The following GPR141 variants were observed in gnomAD, a reference collection of about 807,000 sequenced individuals.
The protein encoded by GPR141 is probable G protein-coupled receptor 141.
In GPR141, 6 loss-of-function variants were observed where a neutral mutation model predicts 6.8. The ratio of observed to expected loss-of-function variants is 0.88; its 90% CI spans 0.48 to 1.74. The LOEUF (loss-of-function observed/expected upper bound fraction) is 1.74, where lower values mean the gene tolerates loss of function less well. Ranked by LOEUF, GPR141 falls within the 40% of genes most tolerant of loss-of-function variation. GPR141 has a pLI of 0.01. For synonymous variants in GPR141, 140 were observed against 142.3 expected, an observed-to-expected ratio of 0.98 and a Z score of 0.11; for missense variants, 372 against 372.9, an observed-to-expected ratio of 1.00 and a Z score of 0.02.
intron 2 of GPR141, among the ~76,000 whole-genome samples, chr7:37,712,268 A>T (rs1271385309): frequency 6.6e-6 from 1 of 152,166 alleles, no homozygotes; most frequent in Non-Finnish European, 1.5e-5. Flanking sequence ...CCCACCTGTG[A>T]TCCCCTTGAT....
intron 2 of GPR141, among the ~76,000 whole-genome samples, chr7:37,720,823 G>C (rs1447056691): frequency 1.3e-5 from 2 of 151,194 alleles, no homozygotes; most frequent in East Asian, 1.9e-4. Context: ...TAAATTTTTA[G>C]TGCAGTTTTA....
chr7:37,693,928 G>A (rs1185940283), intron 2 of GPR141, among the ~76,000 whole-genome samples: 3 of 152,156 alleles, frequency 2.0e-5, no homozygotes, highest in Non-Finnish European at 2.9e-5. Context: ...AAGTTCCCAA[G>A]GGGCAATGAG....
chr7:37,701,376 A>G (rs181838810), intron 2 of GPR141, among the ~76,000 whole-genome samples: 58 of 152,188 alleles, frequency 3.8e-4, no homozygotes, highest in Admixed American at 1.4e-3. Context: ...ATGGAGGGAG[A>G]CTTGCTTCAT....
chr7:37,730,419 C>G (rs1811867700), intron 2 of GPR141, among the ~76,000 whole-genome samples: 1 of 152,188 alleles, frequency 6.6e-6, no homozygotes, highest in Non-Finnish European at 1.5e-5. Flanking sequence ...TCCCAAAGCT[C>G]AGGACAAATT....
At chr7:37,710,502 C>A (rs1225197736) in intron 2 of GPR141, among the ~76,000 whole-genome samples, 1 of 152,154 alleles carries the variant, frequency 6.6e-6, no homozygotes, top group African/African-American at 2.4e-5. Flanking sequence ...TATCATCTTG[C>A]CCAAAAATTC....
Position 37,740,894 on chromosome 7 carries a change from TA to T in GPR141, c.504del (p.Lys168AsnfsTer11). ...AGGAATACAATGAGGAGCACTGTTT[TA>T]AATTTCACAAAGAGCTTGCTTACAC... ...HEEYNEEHCF[K>X]FHKELAYTYV... On this transcript the variant is annotated frameshift_variant, in exon 3 of 3. Coordinates refer to ENST00000334425, the MANE Select transcript of GPR141 (RefSeq NM_001381946.1). LOFTEE classifies it low-confidence loss of function (END_TRUNC). 2 of 1,614,168 alleles carry T rather than the reference TA, an allele frequency of 1.2e-6. No individual in the cohort carries two copies. Among genetic ancestry groups the T allele is most frequent in the South Asian group, 1.1e-5 (1 of 91,080 alleles).
chr7:37,733,988 A>G (rs1812114037), intron 2 of GPR141, among the ~76,000 whole-genome samples: 1 of 152,128 alleles, frequency 6.6e-6, no homozygotes, highest in Admixed American at 6.5e-5. Context: ...CCTGGGCAAC[A>G]TGGTGAAACC....
intron 2 of GPR141, among the ~76,000 whole-genome samples, chr7:37,738,703 C>G (rs924156875): frequency 6.6e-6 from 1 of 151,730 alleles, no homozygotes; most frequent in African/African-American, 2.4e-5. Context: ...ATAAAAATAA[C>G]CAATTTTAAG....
In GPR141 at chr7:37,740,698, C is replaced by T. The variant is rs758564434; in HGVS notation, c.305C>T (p.Thr102Met). The change falls in exon 3 of 3, where the codon ACG becomes ATG. Residue 102 changes from threonine (T) to methionine (M), a missense_variant. Physicochemically the swap from Thr to Met is moderately conservative, Grantham distance 81 (BLOSUM62 -1). Transcript: ENST00000334425. The part of the protein sequence containing the change: ...SAMLHIHMYL[T>M]FLFYVVILVT... ...ATGCTGCACATCCACATGTACCTCACGTTCCTATTCTATGTGGTGATCCTG... is the reference window on the plus strand; with the variant it reads ...ATGCTGCACATCCACATGTACCTCATGTTCCTATTCTATGTGGTGATCCTG... The T allele has an allele frequency of 1.1e-5, 18 of 1,614,092 alleles. No individual in the cohort carries two copies. The highest frequency in any genetic ancestry group is 1.1e-4 in the South Asian group (10 of 91,078).
At chr7:37,701,469 T>C (rs1009627305) in intron 2 of GPR141, among the ~76,000 whole-genome samples, 1 of 152,158 alleles carries the variant, frequency 6.6e-6, no homozygotes, top group Non-Finnish European at 1.5e-5. Flanking sequence ...CTATGCAGAC[T>C]TGCCAGATTT....
chr7:37,686,018 G>T (rs985786469), intron 2 of GPR141, among the ~76,000 whole-genome samples: 3 of 151,648 alleles, frequency 2.0e-5, no homozygotes, highest in Admixed American at 6.6e-5. Context: ...TATATTTTTG[G>T]GACAGGGCCT....
rs142339573 is a variant in GPR141 at position 37,714,487 on chromosome 7, C to T, written c.-14-25893C>T. 2.7e-4 allele frequency among the ~76,000 whole-genome samples: 41 copies of T among 152,260 alleles called. No individual in the cohort carries two copies. The East Asian group carries it at 5.2e-3, about 19-fold the overall frequency. ...AGAGGATAGTTACTATGCAGCCATA[C>T]GGCCCACTAGGTTCTAGAGTATTGG... On this transcript the variant is annotated intron_variant, in intron 2 of 2. Coordinates refer to ENST00000334425, the MANE Select transcript of GPR141 (RefSeq NM_001381946.1).
chr7:37,734,779 G>A (rs1812153232), intron 2 of GPR141, among the ~76,000 whole-genome samples: 1 of 152,200 alleles, frequency 6.6e-6, no homozygotes, highest in African/African-American at 2.4e-5. Flanking sequence ...CTTAAGACCT[G>A]AAGGATTAGT....
Position 37,741,092 on chromosome 7 carries a change from C to T in GPR141, c.699C>T (p.Val233=). 6.2e-7 allele frequency: 1 copy of T among 1,613,774 alleles called. No homozygotes were observed. The highest frequency in any genetic ancestry group is 1.1e-5 in the South Asian group (1 of 91,068). The change falls in exon 3 of 3, where the codon GTC becomes GTT. Residue 233 remains valine, a synonymous_variant. Coordinates refer to ENST00000334425, the MANE Select transcript of GPR141 (RefSeq NM_001381946.1). ...TGAAAAACCTATTTTTTATAGGGGT[C>T]ATCCTTGTTTGTTTCCTTCCCTACC... is the stretch of plus-strand genomic sequence containing the variant. The part of the protein sequence containing the change: ...AQLKNLFFIG[V]ILVCFLPYQF...
intron 2 of GPR141, among the ~76,000 whole-genome samples, chr7:37,707,885 G>A (rs1810596115): frequency 6.6e-6 from 1 of 152,122 alleles, no homozygotes; most frequent in Non-Finnish European, 1.5e-5. Context: ...GCAATGCTAC[G>A]ACAGGGTTTT....
intron 1 of GPR141, among the ~76,000 whole-genome samples, chr7:37,684,740 G>A (rs146858415): frequency 1.3e-5 from 2 of 152,092 alleles, no homozygotes; most frequent in Non-Finnish European, 2.9e-5. Context: ...GGACTTCAGC[G>A]TTCTACATAA....
chr7:37,707,502 A>G (rs920707530), intron 2 of GPR141, among the ~76,000 whole-genome samples: 3 of 151,862 alleles, frequency 2.0e-5, no homozygotes, highest in Admixed American at 2.0e-4. Flanking sequence ...TGAAAACCAT[A>G]CTATCTTTAT....
intron 2 of GPR141, among the ~76,000 whole-genome samples, chr7:37,738,652 CT>C (rs376657837): frequency 1.7e-3 from 251 of 146,434 alleles, no homozygotes; most frequent in Middle Eastern, 3.6e-3. Context: ...TTATTATTAT[CT>C]TTTTTTTTTT....
chr7:37,719,737 A>G (rs1811225715), intron 2 of GPR141, among the ~76,000 whole-genome samples: 1 of 152,222 alleles, frequency 6.6e-6, no homozygotes, highest in African/African-American at 2.4e-5. Flanking sequence ...TTAGGTGAGA[A>G]ACTGAGGAAA....
Sources: allele counts gnomAD v4.1 joint callset (sites outside exome capture counted in the v4.1 genomes callset), GRCh38; gene constraint gnomAD v4.1.1; transcripts MANE v1.5; gene names NCBI Gene and HGNC (gene_info 2026-07-23, HGNC 2026-07-21).